Variants in PIP5K1B observed in about 807,000 individuals in gnomAD.
The protein encoded by PIP5K1B is phosphatidylinositol 4-phosphate 5-kinase type-1 beta.
A neutral mutation model predicts 67.0 loss-of-function variants in PIP5K1B; 42 were observed. The observed-to-expected ratio is 0.63, with a 90% CI of 0.49 to 0.81. The LOEUF (loss-of-function observed/expected upper bound fraction) is 0.81. PIP5K1B is among the 30% of genes least tolerant of loss of function. PIP5K1B has a pLI of 0.00. For synonymous variants in PIP5K1B, 214 were observed against 231.4 expected (o/e 0.92, Z 0.68); for missense variants, 459 against 646.3 (o/e 0.71, Z 3.14).
chr9:68,711,834 C>G (rs1292090419), intron 1 of PIP5K1B, among the ~76,000 whole-genome samples: 1 of 151,916 alleles, frequency 6.6e-6, no homozygotes, highest in East Asian at 1.9e-4. Flanking sequence ...TCTCAAATGC[C>G]CAGAGTGGCT....
chr9:68,773,747 T>C (rs967616979), intron 2 of PIP5K1B, among the ~76,000 whole-genome samples: 4 of 152,230 alleles, frequency 2.6e-5, no homozygotes, highest in African/African-American at 7.2e-5. Context: ...TTTTCTAATC[T>C]TTGCTGTTGC....
chr9:68,923,795 A>G (rs1466378880), intron 12 of PIP5K1B, among the ~76,000 whole-genome samples: 1 of 152,200 alleles, frequency 6.6e-6, no homozygotes, highest in Non-Finnish European at 1.5e-5. Context: ...AGTTATTCTC[A>G]TAGGACATTC....
intron 4 of PIP5K1B, among the ~76,000 whole-genome samples, chr9:68,845,314 T>C (rs1227682063): frequency 6.6e-6 from 1 of 152,364 alleles, no homozygotes. Context: ...TGAATACTTC[T>C]CTTTTTCTAC....
intron 8 of PIP5K1B, among the ~76,000 whole-genome samples, chr9:68,901,401 G>A (rs71503643): frequency 1.7e-4 from 26 of 152,180 alleles, no homozygotes; most frequent in Middle Eastern, 3.4e-3. Context: ...TGGGACTACC[G>A]GTGTGGACCA....
intron 4 of PIP5K1B, among the ~76,000 whole-genome samples, chr9:68,844,696 T>G (rs1822098905): frequency 6.6e-6 from 1 of 152,102 alleles, no homozygotes; most frequent in Admixed American, 6.5e-5. Flanking sequence ...ACCAAAACAA[T>G]TTAATAACGC....
chr9:68,871,943 T>C (rs1358657725), intron 5 of PIP5K1B, among the ~76,000 whole-genome samples: 1 of 151,926 alleles, frequency 6.6e-6, no homozygotes, highest in Non-Finnish European at 1.5e-5. Flanking sequence ...ATAAGTGCAT[T>C]GAAGAAATAT....
At chr9:68,725,521 A>G (rs1828108820) in intron 1 of PIP5K1B, among the ~76,000 whole-genome samples, 1 of 152,172 alleles carries the variant, frequency 6.6e-6, no homozygotes, top group Non-Finnish European at 1.5e-5. Context: ...AGCCACCATT[A>G]TAGCCCACGA....
At chr9:68,778,275 C>T (rs921853520) in intron 2 of PIP5K1B, among the ~76,000 whole-genome samples, 4 of 152,178 alleles carry the variant, frequency 2.6e-5, no homozygotes, top group Non-Finnish European at 5.9e-5. Flanking sequence ...AATATCTATG[C>T]AGTGAGGATT....
chr9:68,993,689 A>C (rs1010164852), intron 15 of PIP5K1B, among the ~76,000 whole-genome samples: 1 of 152,218 alleles, frequency 6.6e-6, no homozygotes, highest in Non-Finnish European at 1.5e-5. Context: ...TTCATCTGGA[A>C]CCAGAAATCA....
chr9:68,789,902 T>C (rs1831863434), intron 2 of PIP5K1B, among the ~76,000 whole-genome samples: 1 of 152,230 alleles, frequency 6.6e-6, no homozygotes, highest in African/African-American at 2.4e-5. Context: ...TTTAACTGAC[T>C]TTATATTTGA....
intron 4 of PIP5K1B, among the ~76,000 whole-genome samples, chr9:68,831,832 C>T (rs757112500): frequency 6.6e-5 from 10 of 152,056 alleles, no homozygotes; most frequent in Admixed American, 2.6e-4. Flanking sequence ...CCCACCACCA[C>T]GCCCAGCTAA....
At chr9:68,870,199 T>C (rs1823563518) in intron 5 of PIP5K1B, among the ~76,000 whole-genome samples, 2 of 152,246 alleles carry the variant, frequency 1.3e-5, no homozygotes, top group African/African-American at 4.8e-5. Flanking sequence ...GATGGTTTAA[T>C]GTTTATATAA....
rs149898792 is a variant in PIP5K1B at position 68,892,939 on chromosome 9, G to A, written c.472-1400G>A. ...AATACAAAAATTATCTGGGTGTGGCGGCACACACCTGTAGTCCCAGCTACT... is the reference window on the plus strand; with the variant it reads ...AATACAAAAATTATCTGGGTGTGGCAGCACACACCTGTAGTCCCAGCTACT... On this transcript the variant is annotated intron_variant, in intron 7 of 15. Transcript: ENST00000265382. Among the ~76,000 whole-genome samples the A allele has an allele frequency of 6.7e-3, 1,023 of 152,086 alleles. 5 individuals are homozygous for A. The highest frequency in any genetic ancestry group is 0.011 in the Non-Finnish European group (775 of 67,978).
At chr9:68,924,406 A>G (rs1274838795) in intron 12 of PIP5K1B, among the ~76,000 whole-genome samples, 12 of 149,414 alleles carry the variant, frequency 8.0e-5, no homozygotes, top group Non-Finnish European at 1.2e-4. Flanking sequence ...CGCCTCAAAA[A>G]AAAAAAAAAA....
chr9:68,781,682 AT>A (rs1384216026), intron 2 of PIP5K1B: 2 of 166,764 alleles, frequency 1.2e-5, no homozygotes, highest in Non-Finnish European at 2.9e-5. Flanking sequence ...TTTTAATGAG[AT>A]TTTAATAGTA....
intron 9 of PIP5K1B, 66 bp downstream of exon 9, chr9:68,917,825 G>A: frequency 8.6e-7 from 1 of 1,168,292 alleles, no homozygotes; most frequent in Non-Finnish European, 1.3e-6. Context: ...GGTAATTATA[G>A]ACAGTCACAT....
intron 8 of PIP5K1B, among the ~76,000 whole-genome samples, chr9:68,910,690 T>A (rs1438952728): frequency 6.6e-6 from 1 of 152,252 alleles, no homozygotes; most frequent in Admixed American, 6.5e-5. Flanking sequence ...ACACTAATAA[T>A]GTGCTTGGGT....
intron 2 of PIP5K1B, among the ~76,000 whole-genome samples, chr9:68,800,918 A>G (rs1257706720): frequency 6.6e-6 from 1 of 152,148 alleles, no homozygotes; most frequent in East Asian, 1.9e-4. Flanking sequence ...GAATACTTTG[A>G]GCAGTTGTCT....
intron 2 of PIP5K1B, chr9:68,788,170 C>CA: frequency 3.5e-6 from 1 of 289,460 alleles, no homozygotes; most frequent in East Asian, 1.1e-4. Context: ...TGATTAGTTC[C>CA]ACAGCACTGC....
Sources: allele counts gnomAD v4.1 joint callset (sites outside exome capture counted in the v4.1 genomes callset), GRCh38; gene constraint gnomAD v4.1.1; transcripts MANE v1.5; gene names NCBI Gene and HGNC (gene_info 2026-07-23, HGNC 2026-07-21).